TANK: variants seen among roughly 807,000 people sequenced by gnomAD.
The protein encoded by TANK is TRAF family member-associated NF-kappa-B activator.
A neutral mutation model predicts 43.6 loss-of-function variants in TANK; 15 were observed. That is an observed-to-expected ratio of 0.34 (90% CI 0.23 to 0.53). TANK has a LOEUF of 0.53. Among genes scored for constraint, TANK ranks in the 20% least tolerant of loss-of-function variants. The pLI is 0.94. For missense variants in TANK, 417 were observed against 498.6 expected (o/e 0.84, Z 1.56); for synonymous variants, 162 against 178.2 (o/e 0.91, Z 0.73).
chr2:161,206,621 C>G (rs151229139), intron 4 of TANK, among the ~76,000 whole-genome samples: 1 of 151,872 alleles, frequency 6.6e-6, no homozygotes, highest in African/African-American at 2.4e-5. Context: ...TTCTTCACCC[C>G]CATTCGAATT....
intron 4 of TANK, chr2:161,211,649 G>A (rs1188630187): frequency 2.8e-6 from 1 of 362,876 alleles, no homozygotes; most frequent in African/African-American, 2.2e-5. Flanking sequence ...TGAAATAAAT[G>A]TAATTGCATG....
chr2:161,175,915 A>C (rs1464790974), intron 1 of TANK, among the ~76,000 whole-genome samples: 1 of 152,166 alleles, frequency 6.6e-6, no homozygotes, highest in Non-Finnish European at 1.5e-5. Context: ...GGTGATTTGC[A>C]TTGAGCTAGC....
At chr2:161,180,784 C>G (rs1685384048) in intron 2 of TANK, among the ~76,000 whole-genome samples, 1 of 152,076 alleles carries the variant, frequency 6.6e-6, no homozygotes, top group Admixed American at 6.6e-5. Context: ...AAAAAGACAT[C>G]AGGAGGAGTC....
At chr2:161,185,908 A>C (rs13390302) in intron 2 of TANK, among the ~76,000 whole-genome samples, 8,113 of 152,268 alleles carry the variant, frequency 0.053, 688 homozygotes, top group African/African-American at 0.18. Flanking sequence ...CACATTACAC[A>C]ACAGCCAGAG....
chr2:161,204,439 A>G (rs539237683), intron 3 of TANK, among the ~76,000 whole-genome samples: 7 of 152,310 alleles, frequency 4.6e-5, no homozygotes, highest in Non-Finnish European at 1.0e-4. Flanking sequence ...TAAATTCTGC[A>G]TATTTTACAT....
intron 4 of TANK, among the ~76,000 whole-genome samples, chr2:161,216,608 G>C (rs1478794019): frequency 1.4e-5 from 2 of 144,954 alleles, no homozygotes; most frequent in Non-Finnish European, 1.5e-5. Context: ...AAAAAAAAAA[G>C]TTGGTGAGGC....
At chr2:161,173,758 C>T (rs1685057056) in intron 1 of TANK, among the ~76,000 whole-genome samples, 2 of 151,984 alleles carry the variant, frequency 1.3e-5, no homozygotes, top group Non-Finnish European at 2.9e-5. Flanking sequence ...TTCACTTTCC[C>T]AGGGAGAAAA....
intron 2 of TANK, among the ~76,000 whole-genome samples, chr2:161,196,629 C>G (rs1231861276): frequency 6.6e-6 from 1 of 152,056 alleles, no homozygotes; most frequent in Admixed American, 6.6e-5. Flanking sequence ...CCGAGGCAGG[C>G]GGATCACTTG....
chr2:161,157,076 GA>G (rs140414454), upstream of TANK, among the ~76,000 whole-genome samples: 8,121 of 152,270 alleles, frequency 0.053, 690 homozygotes, highest in African/African-American at 0.18. Context: ...TTAGGGCAAA[GA>G]GGTGTAAAAT....
rs554443625 is a variant in TANK at position 161,212,792 on chromosome 2, A to C, written c.327+7999A>C. On this transcript the variant is annotated intron_variant, in intron 4 of 7. Transcript: ENST00000392749. ...CAAGGAATGAAAGGCTGTTCTCTAA[A>C]CCTTGATAGGTAAGGAATAGCCCCC... 2.4e-4 allele frequency: 233 copies of C among 984,764 alleles called. 3 individuals are homozygous for C. In the Admixed American group the frequency reaches 0.011, roughly 46 times the overall value. The allele number at this position is 984,764 out of a possible 1,614,324, so 61.0% of individuals were successfully genotyped here.
intron 1 of TANK, among the ~76,000 whole-genome samples, chr2:161,165,039 CTTTTT>C (rs11314845): frequency 3.1e-5 from 3 of 97,700 alleles, no homozygotes; most frequent in South Asian, 3.2e-4. Flanking sequence ...AACACCAATA[CTTTTT>C]TTTTTTTTTT....
chr2:161,194,412 G>A (rs560304772), intron 2 of TANK, among the ~76,000 whole-genome samples: 1 of 152,152 alleles, frequency 6.6e-6, no homozygotes, highest in African/African-American at 2.4e-5. Context: ...ATGCTATGAT[G>A]TATTAACTGC....
chr2:161,223,984 C>A lies in TANK; in HGVS notation c.397C>A (p.His133Asn). 1 of 1,589,052 alleles carries A rather than the reference C, an allele frequency of 6.3e-7. No homozygotes were observed. Among genetic ancestry groups the A allele is most frequent in the Non-Finnish European group, 8.6e-7 (1 of 1,163,352 alleles). The change falls in exon 5 of 8, where the codon CAT (histidine) becomes AAT (asparagine). Residue 133 changes from histidine to asparagine, a missense_variant. Transcript: ENST00000392749. ...AAGGAGTCTTGGCAGTCCTTTGCTC[C>A]ATGAAAGGTAGTTCTACATCCTTTT... ...SARSLGSPLL[H>N]ERGNIEKTFW...
chr2:161,186,323 T>A (rs2105310389), intron 2 of TANK, among the ~76,000 whole-genome samples: 1 of 152,370 alleles, frequency 6.6e-6, no homozygotes, highest in African/African-American at 2.4e-5. Context: ...TTCCTGTTGT[T>A]TTTCAAATAT....
At chr2:161,166,107 A>C (rs1684667476) in intron 1 of TANK, among the ~76,000 whole-genome samples, 1 of 152,244 alleles carries the variant, frequency 6.6e-6, no homozygotes, top group Non-Finnish European at 1.5e-5. Context: ...AGCAAAATGG[A>C]GAACATGTAC....
intron 4 of TANK, among the ~76,000 whole-genome samples, chr2:161,213,805 T>C (rs1687004603): frequency 6.6e-6 from 1 of 152,022 alleles, no homozygotes; most frequent in Admixed American, 6.6e-5. Flanking sequence ...GTGGATAGTC[T>C]TTGATACTGC....
At chr2:161,229,839 C>T (rs1687819022) in intron 6 of TANK, among the ~76,000 whole-genome samples, 1 of 152,188 alleles carries the variant, frequency 6.6e-6, no homozygotes, top group East Asian at 1.9e-4. Context: ...CCTTAAAATA[C>T]ATACATTACC....
At chr2:161,224,390 G>A (rs530550882) in intron 5 of TANK, among the ~76,000 whole-genome samples, 2 of 152,112 alleles carry the variant, frequency 1.3e-5, no homozygotes, top group East Asian at 1.9e-4. Context: ...ATATGAATAA[G>A]TAGATATGCT....
rs372728899 is a variant in TANK at position 161,144,663 on chromosome 2, A to G, written c.-50+7600A>G. Among the ~76,000 whole-genome samples, 4 of 152,182 alleles carry G rather than the reference A, an allele frequency of 2.6e-5. No individual in the cohort carries two copies. The East Asian group carries it at 5.8e-4, about 22-fold the overall frequency. On this transcript the variant is annotated intron_variant, in intron 1 of 7. Transcript: ENST00000259075. ...TAATTTGATTGCACTCTGGTCTGAG[A>G]GACTGTTATAATTTCAGTTCTTTTG...
Sources: allele counts gnomAD v4.1 joint callset (sites outside exome capture counted in the v4.1 genomes callset), GRCh38; gene constraint gnomAD v4.1.1; transcripts MANE v1.5; gene names NCBI Gene and HGNC (gene_info 2026-07-23, HGNC 2026-07-21).